The following ARPP21 variants were observed in gnomAD, a reference collection of about 807,000 sequenced individuals.
ARPP21 encodes the protein cAMP regulated phosphoprotein 21, also known as cAMP-regulated phosphoprotein 21.
Under a neutral mutation model 113.2 loss-of-function variants are expected in ARPP21, and 69 were observed. The observed-to-expected ratio is 0.61, with a 90% CI of 0.50 to 0.74. ARPP21 has a LOEUF of 0.74. Ranked by LOEUF, ARPP21 falls within the 30% of genes least tolerant of loss-of-function variation. The probability of loss-of-function intolerance (pLI) is 0.00; values close to 1 mark genes in which losing one functional copy is unlikely to be tolerated. For missense variants in ARPP21, 1,070 were observed against 1,037.4 expected (o/e 1.03, Z -0.43); for synonymous variants, 368 against 375.5 (o/e 0.98, Z 0.23).
In ARPP21 at chr3:35,729,322, T is replaced by C; in HGVS notation, c.1245T>C (p.Ser415=). 1 of 1,614,080 alleles carries C rather than the reference T, an allele frequency of 6.2e-7. No homozygotes were observed. The highest frequency in any genetic ancestry group is 8.5e-7 in the Non-Finnish European group (1 of 1,179,940). The change falls in exon 15 of 21, where the codon AGT becomes AGC. Residue 415 remains serine, a synonymous_variant. Coordinates refer to ENST00000684406, the MANE Select transcript of ARPP21 (RefSeq NM_001385562.1). The part of the protein sequence containing the change: ...LSKAGSESSS[S]AGSSGSLSRT... ...TGCCAGGTTCCGAGTCTTCCAGCAG[T>C]GCAGGCTCCTCAGGATCGCTGTCCC...
intron 1 of ARPP21, chr3:35,650,260 T>G (rs1176491579): frequency 1.3e-5 from 2 of 152,162 alleles, no homozygotes; most frequent in Non-Finnish European, 2.9e-5. Context: ...TAACAAGGCT[T>G]GTCTTTGCAT....
intron 11 of ARPP21, 152 bp downstream of exon 11, chr3:35,709,222 G>T: frequency 1.6e-6 from 1 of 632,006 alleles, no homozygotes; most frequent in Non-Finnish European, 2.8e-6. Context: ...TTTGGAAGAG[G>T]ATCTGGTTCA....
chr3:35,745,614 A>G (rs1475165866), intron 19 of ARPP21, among the ~76,000 whole-genome samples: 1 of 152,208 alleles, frequency 6.6e-6, no homozygotes. Flanking sequence ...GGGATGAGAA[A>G]GTTAGATGAA....
At chr3:35,684,756 A>T in intron 5 of ARPP21, 1 of 985,324 alleles carries the variant, frequency 1.0e-6, no homozygotes, top group Non-Finnish European at 1.2e-6. Flanking sequence ...CTTTCTTTAA[A>T]AGGACCAAAA....
intron 15 of ARPP21, among the ~76,000 whole-genome samples, chr3:35,731,813 GC>G (rs1483042893): frequency 6.6e-6 from 1 of 152,098 alleles, no homozygotes; most frequent in Non-Finnish European, 1.5e-5. Context: ...GTATCTTTCT[GC>G]CAAGTACACA....
chr3:35,684,402 C>A, intron 5 of ARPP21: 1 of 976,584 alleles, frequency 1.0e-6, no homozygotes, highest in Non-Finnish European at 1.2e-6. Flanking sequence ...CATATTTTTA[C>A]CCTTATTTTT....
intron 19 of ARPP21, among the ~76,000 whole-genome samples, chr3:35,772,792 C>A (rs1008588835): frequency 8.5e-5 from 13 of 152,158 alleles, no homozygotes; most frequent in African/African-American, 3.1e-4. Context: ...GCTTTGGATG[C>A]CTGAAAACAG....
chr3:35,695,192 A>C (rs1456830614), intron 9 of ARPP21, among the ~76,000 whole-genome samples: 1 of 151,492 alleles, frequency 6.6e-6, no homozygotes, highest in Non-Finnish European at 1.5e-5. Context: ...GGTGAGAAGC[A>C]ATGAGACAAG....
chr3:35,768,565 A>G (rs920831383), intron 19 of ARPP21, among the ~76,000 whole-genome samples: 3 of 152,224 alleles, frequency 2.0e-5, no homozygotes, highest in Admixed American at 6.5e-5. Context: ...TTTGAAGAAA[A>G]GAAATATACA....
Position 35,737,446 on chromosome 3 carries a change from G to A in ARPP21, c.1644+84G>A, listed in dbSNP as rs956109586. On this transcript the variant is annotated intron_variant, in intron 16 of 20. Coordinates refer to ENST00000684406, the MANE Select transcript of ARPP21 (RefSeq NM_001385562.1). Reference sequence around the variant, plus strand: ...CCTCAGAGCAGCAGAGAATCAGGGAGAAGCGTATATTTTACACTCAAGCCT... The same window carrying A: ...CCTCAGAGCAGCAGAGAATCAGGGAAAAGCGTATATTTTACACTCAAGCCT... 12 of 907,810 alleles carry A rather than the reference G, an allele frequency of 1.3e-5. No homozygotes were observed. In the African/African-American group the frequency reaches 2.0e-4, roughly 15 times the overall value. 56.2% of individuals were successfully genotyped at this position (907,810 alleles called of 1,614,324 possible).
At position 35,743,841 on chromosome 3, in the gene ARPP21, G is replaced by A. The variant is rs764621929; in HGVS notation, c.2013G>A (p.Met671Ile). ...TTTCTTCCTCCTTTCTTCCACAGAT[G>A]CCTGTATATTATTACCCATCTGGTC... ...GFVQQPPPAQ[M>I]PVYYYPSGQY... The change falls in exon 19 of 21, where the codon ATG becomes ATA. Residue 671 changes from methionine (M) to isoleucine (I), a missense_variant and splice_region_variant. By Grantham distance (10) the Met-to-Ile change is conservative. Transcript: ENST00000684406. The A allele has an allele frequency of 1.9e-6, 3 of 1,613,746 alleles. No homozygotes were observed. The South Asian group carries it at 3.3e-5, about 18-fold the overall frequency.
At chr3:35,674,329 G>A (rs184476583) in intron 1 of ARPP21, among the ~76,000 whole-genome samples, 1 of 151,850 alleles carries the variant, frequency 6.6e-6, no homozygotes, top group Non-Finnish European at 1.5e-5. Context: ...ATATGGTATC[G>A]TTATCCACAA....
chr3:35,743,502 A>T (rs2094808960), intron 18 of ARPP21, among the ~76,000 whole-genome samples: 1 of 152,188 alleles, frequency 6.6e-6, no homozygotes, highest in Non-Finnish European at 1.5e-5. Flanking sequence ...TCTGCAGCAG[A>T]ATAGTCTAGA....
intron 14 of ARPP21, 65 bp downstream of exon 14, chr3:35,721,899 C>T: frequency 3.0e-6 from 3 of 1,008,278 alleles, no homozygotes; most frequent in Non-Finnish European, 4.3e-6. Flanking sequence ...GCCATATGGT[C>T]ACCATTCCCT....
At position 35,739,445 on chromosome 3, in the gene ARPP21, C is replaced by G. The variant is rs989522989; in HGVS notation, c.1878C>G (p.Ser626Arg). Residue 626 changes from serine to arginine, a missense_variant, in exon 18 of 21, where the codon AGC (serine) becomes AGG (arginine). By Grantham distance (110) the Ser-to-Arg change is moderately radical (BLOSUM62 -1). Transcript: ENST00000684406. ...TGCCACAGCCGGCCCAGCAGCCCAG[C>G]TATGTAATCGCCTCTACAGGCCAGC... ...SLMPQPAQQP[S>R]YVIASTGQQL... is the part of the protein sequence containing the mutation. 2.5e-6 allele frequency: 4 copies of G among 1,614,032 alleles called. No individual in the cohort carries two copies. In the African/African-American group the frequency reaches 5.3e-5, roughly 22 times the overall value.
chr3:35,684,516 T>G (rs554032920), intron 5 of ARPP21: 6 of 985,636 alleles, frequency 6.1e-6, no homozygotes, highest in Non-Finnish European at 6.0e-6. Flanking sequence ...TGTTTGCCTT[T>G]CAGGCATCAT....
At chr3:35,748,080 A>G (rs1425104122) in intron 19 of ARPP21, among the ~76,000 whole-genome samples, 10 of 124,424 alleles carry the variant, frequency 8.0e-5, no homozygotes, top group African/African-American at 3.2e-4. Flanking sequence ...GAAAGAAAGA[A>G]AGAAAGAAAG....
intron 19 of ARPP21, among the ~76,000 whole-genome samples, chr3:35,788,287 G>C (rs1210795679): frequency 6.6e-6 from 1 of 152,198 alleles, no homozygotes; most frequent in Non-Finnish European, 1.5e-5. Context: ...ACAAAGAGCA[G>C]AGTTTGATTC....
At chr3:35,716,045 T>G (rs1415475980) in intron 12 of ARPP21, among the ~76,000 whole-genome samples, 1 of 152,066 alleles carries the variant, frequency 6.6e-6, no homozygotes, top group Non-Finnish European at 1.5e-5. Flanking sequence ...GGGAGGTAGT[T>G]GTTGTAAAAT....
Sources: gnomAD v4.1 joint callset for allele counts (sites outside exome capture counted in the v4.1 genomes callset) on GRCh38, gnomAD v4.1.1 for gene constraint, MANE v1.5 for transcripts, NCBI Gene and HGNC (gene_info 2026-07-23, HGNC 2026-07-21) for gene names.